Variants in EMG1 observed in about 807,000 individuals in gnomAD.
EMG1 encodes EMG1 N1-specific pseudouridine methyltransferase.
Under a neutral mutation model 26.9 loss-of-function variants are expected in EMG1, and 24 were observed. That is an observed-to-expected ratio of 0.89 (90% CI 0.65 to 1.26). The LOEUF is 1.26. Among genes scored for constraint, EMG1 ranks in the 50% most tolerant of loss-of-function variants. The pLI is 0.00. For synonymous variants in EMG1, 140 were observed against 112.6 expected (o/e 1.24, Z -1.54); for missense variants, 299 against 307.6 (o/e 0.97, Z 0.21).
At position 6,975,315 on chromosome 12, in the gene EMG1, G is replaced by C. The variant is rs1555152971; in HGVS notation, c.558G>C (p.Val186=). 1.4e-5 allele frequency: 23 copies of C among 1,610,432 alleles called. No homozygotes were observed. Among genetic ancestry groups the C allele is most frequent in the Non-Finnish European group, 1.9e-5 (22 of 1,177,990 alleles). ...TSFSIPVVSD[V]RELVPSSDPI... ...TTTCCATCCCGGTTGTCAGTGATGT[G>C]CGTGAGCTGGTGCCCAGCAGTGATC... Residue 186 remains valine, a synonymous_variant, in exon 5 of 6, where the codon GTG becomes GTC. Transcript: ENST00000599672.
In EMG1 at chr12:6,974,577, C is replaced by T. The variant is rs782486688; in HGVS notation, c.296C>T (p.Pro99Leu). The change falls in exon 3 of 6, where the codon CCC becomes CTC. Residue 99 changes from proline (P) to leucine (L), a missense_variant. By Grantham distance (98) the Pro-to-Leu change is moderately conservative (BLOSUM62 -3). Coordinates refer to ENST00000599672, the MANE Select transcript of EMG1 (RefSeq NM_006331.8). ...HQSLLMLMDSPLNRAGLLQVY... is the reference protein window; with the variant it reads ...HQSLLMLMDSLLNRAGLLQVY... ...AGTTTGCTGATGCTGATGGATAGTCCCCTGAACCGAGCTGGCTTGCTACAG... is the reference window on the plus strand; with the variant it reads ...AGTTTGCTGATGCTGATGGATAGTCTCCTGAACCGAGCTGGCTTGCTACAG... 5 of 1,613,906 alleles carry T rather than the reference C, an allele frequency of 3.1e-6. No individual in the cohort carries two copies. The Admixed American group carries it at 6.7e-5, about 22-fold the overall frequency.
chr12:6,977,582 C>A lies in EMG1; in HGVS notation c.*1773C>A. ...TGTCCCTTATATTCCCCTTCACCCC[C>A]ACCCTGGAGGCCTACCTGTCTTTCC... On this transcript the variant is annotated 3_prime_UTR_variant, in exon 6 of 6. Transcript: ENST00000599672. This position sits in a 1 kb window ranked among gnomAD's most constrained non-coding sequence, Gnocchi z 4.5. 6.2e-7 allele frequency: 1 copy of A among 1,614,210 alleles called. No homozygotes were observed. Among genetic ancestry groups the A allele is most frequent in the Non-Finnish European group, 8.5e-7 (1 of 1,180,042 alleles).
At chr12:6,981,670 G>C (rs782631853), downstream of EMG1, 7 of 1,588,176 alleles carry the variant, frequency 4.4e-6, no homozygotes, top group Non-Finnish European at 6.0e-6. Context: ...GGTGGTGGGA[G>C]AGGACACTGA....
chr12:6,992,271 G>A (rs1315034546), downstream of EMG1, among the ~76,000 whole-genome samples: 2 of 151,806 alleles, frequency 1.3e-5, no homozygotes, highest in Non-Finnish European at 2.9e-5. Flanking sequence ...AAGTTGAGGC[G>A]GCAGTGAGCT....
chr12:6,975,387 T>C lies in EMG1; in HGVS notation c.621+9T>C. On this transcript the variant is annotated intron_variant, in intron 5 of 5. Transcript: ENST00000599672. The stretch of plus-strand genomic sequence containing the variant: ...CCTTTGCCCATGGCAAGGTAAGGTC[T>C]GGGCTCAACCCTGAAATTCTTGGTA... 6.3e-7 allele frequency: 1 copy of C among 1,584,164 alleles called. No homozygotes were observed. The highest frequency in any genetic ancestry group is 1.2e-5 in the South Asian group (1 of 86,774).
In EMG1 at chr12:6,977,849, G is replaced by C; in HGVS notation, c.*2040G>C. 7.2e-7 allele frequency: 1 copy of C among 1,389,238 alleles called. No individual in the cohort carries two copies. Among genetic ancestry groups the C allele is most frequent in the Non-Finnish European group, 1.0e-6 (1 of 992,874 alleles). The allele number at this position is 1,389,238 out of a possible 1,614,324, so 86.1% of individuals were successfully genotyped here. A position where few individuals can be genotyped will look rare whatever the true frequency, so the allele number is the denominator to read the frequency against. ...TGAGGATTGGATTGGAGTGCTGGTG[G>C]GTTCCCACGTGTAGCCCCCAGAGGG... On this transcript the variant is annotated 3_prime_UTR_variant, in exon 6 of 6. Coordinates refer to ENST00000599672, the MANE Select transcript of EMG1 (RefSeq NM_006331.8). The surrounding 1 kb of genome is among the most constrained non-coding windows in gnomAD (Gnocchi z 4.5).
At chr12:6,983,613 G>T, downstream of EMG1, 1 of 904,882 alleles carries the variant, frequency 1.1e-6, no homozygotes, top group African/African-American at 1.7e-5. Context: ...AAGTTTATCT[G>T]GCATGAAACG....
At chr12:6,992,401 G>A (rs1211409819), downstream of EMG1, among the ~76,000 whole-genome samples, 2 of 152,148 alleles carry the variant, frequency 1.3e-5, no homozygotes, top group Non-Finnish European at 1.5e-5. Flanking sequence ...GATTGTGAGT[G>A]CATGGCAGTA....
At chr12:6,982,825 C>A (rs1555154321), downstream of EMG1, 3 of 1,324,950 alleles carry the variant, frequency 2.3e-6, no homozygotes, top group Non-Finnish European at 3.3e-6. Flanking sequence ...TTTACACTCC[C>A]ACCGTCCTGA....
chr12:6,985,441 A>G (rs1278112711), intron 6 of EMG1, among the ~76,000 whole-genome samples: 1 of 151,900 alleles, frequency 6.6e-6, no homozygotes, highest in Non-Finnish European at 1.5e-5. Context: ...TGGCTGGTGC[A>G]GTGGCTCACG....
Position 6,978,668 on chromosome 12 carries a change from A to C in EMG1, c.*2859A>C. On this transcript the variant is annotated 3_prime_UTR_variant, in exon 6 of 6. Coordinates refer to ENST00000599672, the MANE Select transcript of EMG1 (RefSeq NM_006331.8). The stretch of plus-strand genomic sequence containing the variant: ...TTGCCCCAGATCAGCATGTACATGC[A>C]GCGGAACCAGAAGGGGTGGTTCTTG... 6.2e-7 allele frequency: 1 copy of C among 1,614,200 alleles called. No homozygotes were observed. Among genetic ancestry groups the C allele is most frequent in the Non-Finnish European group, 8.5e-7 (1 of 1,180,012 alleles).
At chr12:6,991,134 G>A (rs1946586615), downstream of EMG1, among the ~76,000 whole-genome samples, 1 of 152,080 alleles carries the variant, frequency 6.6e-6, no homozygotes, top group South Asian at 2.1e-4. Flanking sequence ...TATGGCCTCT[G>A]TCTGACTTAA....
downstream of EMG1, chr12:6,983,433 A>G (rs782783975): frequency 4.4e-6 from 7 of 1,593,492 alleles, no homozygotes; most frequent in South Asian, 3.3e-5. Context: ...TTTACTCACC[A>G]AAGTTAAAAT....
chr12:6,990,050 G>A (rs911776514), downstream of EMG1, among the ~76,000 whole-genome samples: 2 of 151,716 alleles, frequency 1.3e-5, no homozygotes, highest in African/African-American at 4.8e-5. Flanking sequence ...GGTGGTGCGT[G>A]CCTGTAGTCC....
At position 6,977,145 on chromosome 12, in the gene EMG1, A is replaced by G. The variant is rs782363527; in HGVS notation, c.*1336A>G. ...CTGTATTAACTTACCAGGGAAATGG[A>G]TTATTCCATCTTCTTTAACTTCTCT... On this transcript the variant is annotated 3_prime_UTR_variant, in exon 6 of 6. Transcript: ENST00000599672. The surrounding 1 kb of genome is among the most constrained non-coding windows in gnomAD (Gnocchi z 4.5). 1 of 1,586,668 alleles carries G rather than the reference A, an allele frequency of 6.3e-7. No homozygotes were observed. The highest frequency in any genetic ancestry group is 1.7e-5 in the Admixed American group (1 of 59,952).
downstream of EMG1, chr12:6,983,371 C>G (rs1253906636): frequency 4.3e-6 from 5 of 1,157,260 alleles, no homozygotes; most frequent in East Asian, 1.2e-4. Flanking sequence ...AAATTTTGTT[C>G]AAGTCTGTTC....
intron 7 of EMG1, among the ~76,000 whole-genome samples, chr12:6,996,950 T>C (rs1735372859): frequency 6.6e-6 from 1 of 151,280 alleles, no homozygotes. Context: ...GGAGGAAAAA[T>C]ATTGTAACAA....
In EMG1 at chr12:6,976,802, C is replaced by T. The variant is rs187274398; in HGVS notation, c.*993C>T. ...ACAGCTGGAAGCATCGATCTTCCAC[C>T]TCCCTGGCTTTTCCATTCTCTGCTC... On this transcript the variant is annotated 3_prime_UTR_variant, in exon 6 of 6. Coordinates refer to ENST00000599672, the MANE Select transcript of EMG1 (RefSeq NM_006331.8). The T allele has an allele frequency of 7.5e-4, 144 of 191,214 alleles. No individual in the cohort carries two copies. The highest frequency in any genetic ancestry group is 3.1e-3 in the African/African-American group (134 of 42,826). 11.8% of individuals were successfully genotyped at this position (191,214 alleles called of 1,614,324 possible).
At chr12:6,995,379 C>G (rs1946627876) in intron 7 of EMG1, among the ~76,000 whole-genome samples, 1 of 151,628 alleles carries the variant, frequency 6.6e-6, no homozygotes. Flanking sequence ...GAGGCTGAGG[C>G]AGGAGAATCG....
Sources: allele counts gnomAD v4.1 joint callset (sites outside exome capture counted in the v4.1 genomes callset), GRCh38; gene constraint gnomAD v4.1.1; non-coding constraint Gnocchi (gnomAD v3.1); transcripts MANE v1.5; gene names NCBI Gene and HGNC (gene_info 2026-07-23, HGNC 2026-07-21).